DOK5: variants seen among roughly 807,000 people sequenced by gnomAD.
DOK5 encodes docking protein 5.
In DOK5, 27 loss-of-function variants were observed where a neutral mutation model predicts 43.3. The observed-to-expected ratio is 0.62, with a 90% CI of 0.46 to 0.86. DOK5 has a LOEUF of 0.86. Among genes scored for constraint, DOK5 ranks in the 40% least tolerant of loss-of-function variants. DOK5 has a pLI of 0.00. For synonymous variants in DOK5, 146 were observed against 140.1 expected, an observed-to-expected ratio of 1.04 and a Z score of -0.30; for missense variants, 373 against 392.9, an observed-to-expected ratio of 0.95 and a Z score of 0.43.
At chr20:54,626,516 A>G (rs1456724365) in intron 6 of DOK5, among the ~76,000 whole-genome samples, 10 of 152,226 alleles carry the variant, frequency 6.6e-5, no homozygotes, top group Admixed American at 6.5e-4. Context: ...ATAGATGATG[A>G]TTAGTGCTCT....
At chr20:54,481,116 C>CT (rs1366612202) in intron 1 of DOK5, among the ~76,000 whole-genome samples, 1 of 145,024 alleles carries the variant, frequency 6.9e-6, no homozygotes, top group Admixed American at 6.8e-5. Context: ...ATCTATCTAT[C>CT]TATCATGTAT....
At chr20:54,643,982 A>G (rs1165922012) in intron 7 of DOK5, among the ~76,000 whole-genome samples, 1 of 152,166 alleles carries the variant, frequency 6.6e-6, no homozygotes, top group Non-Finnish European at 1.5e-5. Context: ...CATTACTTGA[A>G]GTCTTGCTAG....
intron 6 of DOK5, among the ~76,000 whole-genome samples, 153 bp from the exon 7 acceptor site, chr20:54,643,305 T>G (rs1979214127): frequency 6.6e-6 from 1 of 152,218 alleles, no homozygotes. Context: ...AAACAGTAGC[T>G]GGCCACCATG....
intron 1 of DOK5, among the ~76,000 whole-genome samples, chr20:54,528,171 C>A (rs2146703131): frequency 6.6e-6 from 1 of 152,254 alleles, no homozygotes; most frequent in Admixed American, 6.5e-5. Context: ...CGTACCATTG[C>A]ATCCAGCCTG....
chr20:54,571,377 C>T (rs562249857), intron 2 of DOK5, among the ~76,000 whole-genome samples: 1 of 152,292 alleles, frequency 6.6e-6, no homozygotes, highest in African/African-American at 2.4e-5. Flanking sequence ...GGACAAGGCT[C>T]AAATCCAGGA....
At chr20:54,525,605 G>T (rs1983548773) in intron 1 of DOK5, among the ~76,000 whole-genome samples, 2 of 152,290 alleles carry the variant, frequency 1.3e-5, no homozygotes, top group South Asian at 4.1e-4. Flanking sequence ...TCAACCTGTT[G>T]GAAGTTTCTT....
chr20:54,494,004 A>G (rs959890381), intron 1 of DOK5, among the ~76,000 whole-genome samples: 4 of 152,190 alleles, frequency 2.6e-5, no homozygotes, highest in South Asian at 2.1e-4. Context: ...GTGCTTCCCT[A>G]TATTACTTCT....
intron 1 of DOK5, among the ~76,000 whole-genome samples, chr20:54,523,019 TA>T (rs950489615): frequency 1.3e-5 from 2 of 152,120 alleles, no homozygotes; most frequent in African/African-American, 2.4e-5. Context: ...CCTATTAGAG[TA>T]AAAAAAGTAT....
chr20:54,645,260 C>A (rs1277901937), intron 7 of DOK5, among the ~76,000 whole-genome samples: 1 of 138,426 alleles, frequency 7.2e-6, no homozygotes, highest in East Asian at 2.1e-4. Context: ...CGCTCTGAAC[C>A]CTCAGTCCTC....
intron 1 of DOK5, among the ~76,000 whole-genome samples, chr20:54,546,546 C>G (rs1389928917): frequency 6.7e-6 from 1 of 150,236 alleles, no homozygotes; most frequent in Non-Finnish European, 1.5e-5. Context: ...TATCCCTCCC[C>G]CCTCCCCTGA....
At chr20:54,476,544 T>A (rs1053346290) in intron 1 of DOK5, among the ~76,000 whole-genome samples, 1 of 151,944 alleles carries the variant, frequency 6.6e-6, no homozygotes, top group Non-Finnish European at 1.5e-5. Flanking sequence ...TCAAAGGCGG[T>A]GCGGGCTGGC....
chr20:54,614,348 G>A (rs1446186804), intron 6 of DOK5, among the ~76,000 whole-genome samples: 1 of 152,124 alleles, frequency 6.6e-6, no homozygotes, highest in Admixed American at 6.5e-5. Context: ...ACAGAGGGAG[G>A]GGAATGCGAG....
Position 54,497,992 on chromosome 20 carries a change from C to A in DOK5, c.66+21980C>A, listed in dbSNP as rs1879117961. ...TTAAGTTAAAATATTTTGAAAATCC[C>A]TTCTCTATGTCGTAAGGGTACATAC... On this transcript the variant is annotated intron_variant, in intron 1 of 7. Transcript: ENST00000262593. Among the ~76,000 whole-genome samples the A allele has an allele frequency of 3.9e-5, 6 of 152,200 alleles. No homozygotes were observed. In the South Asian group the frequency reaches 1.2e-3, roughly 32 times the overall value.
intron 6 of DOK5, among the ~76,000 whole-genome samples, chr20:54,616,314 A>T (rs961700864): frequency 1.3e-5 from 2 of 152,204 alleles, no homozygotes; most frequent in African/African-American, 4.8e-5. Flanking sequence ...CGTTTTCTTT[A>T]TCCTACATGA....
intron 1 of DOK5, among the ~76,000 whole-genome samples, chr20:54,542,623 T>G (rs1011004537): frequency 5.3e-5 from 8 of 152,232 alleles, no homozygotes; most frequent in African/African-American, 1.7e-4. Context: ...TCCATCAGAA[T>G]GTTTTCAAAA....
At chr20:54,573,417 G>A (rs1370324295) in intron 2 of DOK5, among the ~76,000 whole-genome samples, 3 of 152,158 alleles carry the variant, frequency 2.0e-5, no homozygotes, top group African/African-American at 7.2e-5. Flanking sequence ...GCGAGGCGCG[G>A]TGGCTCATGC....
At chr20:54,477,388 GATT>G (rs1489702718) in intron 1 of DOK5, among the ~76,000 whole-genome samples, 1 of 152,010 alleles carries the variant, frequency 6.6e-6, no homozygotes, top group African/African-American at 2.4e-5. Flanking sequence ...ATGTTTTAGC[GATT>G]ATGTCCTGTG....
chr20:54,572,727 C>A (rs1166823397), intron 2 of DOK5, among the ~76,000 whole-genome samples: 1 of 152,052 alleles, frequency 6.6e-6, no homozygotes, highest in African/African-American at 2.4e-5. Flanking sequence ...CCATATAGAT[C>A]AGATTATTAG....
At position 54,648,576 on chromosome 20, in the gene DOK5, G is replaced by T. The variant is rs538771651; in HGVS notation, c.857-1839G>T. Among the ~76,000 whole-genome samples the T allele has an allele frequency of 5.2e-4, 79 of 152,154 alleles. 1 individual carries two copies. Among genetic ancestry groups the T allele is most frequent in the Middle Eastern group, 3.4e-3 (1 of 294 alleles). On this transcript the variant is annotated intron_variant, in intron 7 of 7. Coordinates refer to ENST00000262593, the MANE Select transcript of DOK5 (RefSeq NM_018431.5). ...CCATAGAGAGGTCAGCAAATGCAAA[G>T]GCCCTGAGTCAGAAATGAGCTGCGG... is the stretch of plus-strand genomic sequence containing the variant.
Sources: allele counts gnomAD v4.1 joint callset (sites outside exome capture counted in the v4.1 genomes callset), GRCh38; gene constraint gnomAD v4.1.1; transcripts MANE v1.5; gene names NCBI Gene and HGNC (gene_info 2026-07-23, HGNC 2026-07-21).